The following IRAG2 variants were observed in gnomAD, a reference collection of about 807,000 sequenced individuals.
IRAG2 encodes the protein inositol 1,4,5-triphosphate receptor associated 2.
IRAG2 carries 45 observed loss-of-function variants against 69.9 expected under a neutral mutation model. The observed-to-expected ratio is 0.64, with a 90% confidence interval of 0.51 to 0.83. The LOEUF is 0.83. IRAG2 is among the 40% of genes least tolerant of loss of function. IRAG2 has a pLI of 0.00. For synonymous variants in IRAG2, 193 were observed against 202.4 expected, an observed-to-expected ratio of 0.95 and a Z score of 0.40; for missense variants, 520 against 587.0, an observed-to-expected ratio of 0.89 and a Z score of 1.18.
chr12:25,096,941 A>G lies in IRAG2; in HGVS notation c.638A>G (p.Gln213Arg). The G allele has an allele frequency of 6.2e-7, 1 of 1,613,766 alleles. No homozygotes were observed. Reference sequence around the variant, plus strand: ...ACACCTCTGTGTGAAGATGACAACCAGGCACAGGAAATCATTAAGAAGCTG... The same window carrying G: ...ACACCTCTGTGTGAAGATGACAACCGGGCACAGGAAATCATTAAGAAGCTG... ...SLTPLCEDDN[Q>R]AQEIIKKLEK... Residue 213 changes from glutamine to arginine, a missense_variant, in exon 15 of 22, where the codon CAG becomes CGG. By Grantham distance (43) the Gln-to-Arg change is conservative. Transcript: ENST00000556887.
chr12:25,105,180 C>T (rs1336131735), intron 20 of IRAG2, among the ~76,000 whole-genome samples: 1 of 150,254 alleles, frequency 6.7e-6, no homozygotes, highest in East Asian at 2.0e-4. Context: ...GGGTTCACGC[C>T]ATTCTCCTGG....
At chr12:25,023,802 G>A (rs1163518916) in intron 7 of IRAG2, 2 of 761,532 alleles carry the variant, frequency 2.6e-6, no homozygotes. Context: ...GTCAGCCTTG[G>A]AGGTAAATAT....
chr12:25,085,058 A>G (rs1285197302), intron 10 of IRAG2, among the ~76,000 whole-genome samples: 1 of 152,240 alleles, frequency 6.6e-6, no homozygotes, highest in Non-Finnish European at 1.5e-5. Flanking sequence ...TCTAGGGGTC[A>G]GTGTCTGTGA....
intron 1 of IRAG2, chr12:25,004,989 A>T: frequency 1.1e-6 from 1 of 873,810 alleles, no homozygotes; most frequent in East Asian, 3.4e-5. Flanking sequence ...TACCTGAACT[A>T]AAAAAAAATC....
upstream of IRAG2, chr12:25,052,607 G>A (rs76640161): frequency 2.0e-5 from 8 of 397,070 alleles, no homozygotes; most frequent in East Asian, 7.1e-5. Context: ...GACTTTAACC[G>A]CTGTAGAAAT....
At chr12:25,014,900 T>G (rs532106595) in intron 3 of IRAG2, among the ~76,000 whole-genome samples, 1 of 151,430 alleles carries the variant, frequency 6.6e-6, no homozygotes, top group African/African-American at 2.4e-5. Flanking sequence ...TAGGTAAAAG[T>G]GTATGGATGG....
intron 7 of IRAG2, among the ~76,000 whole-genome samples, chr12:25,021,892 G>A (rs1341738647): frequency 6.6e-6 from 1 of 152,158 alleles, no homozygotes; most frequent in Non-Finnish European, 1.5e-5. Flanking sequence ...TGAATGCCAG[G>A]TCTTTTGTGA....
At chr12:25,075,703 T>C (rs1485915192) in intron 6 of IRAG2, 1 of 152,186 alleles carries the variant, frequency 6.6e-6, no homozygotes, top group African/African-American at 2.4e-5. Context: ...GTAAATGTTA[T>C]GCAGGTTAAT....
chr12:25,089,092 TG>T (rs1278633151), intron 11 of IRAG2, among the ~76,000 whole-genome samples: 1 of 152,230 alleles, frequency 6.6e-6, no homozygotes, highest in African/African-American at 2.4e-5. Flanking sequence ...ACATAGTCCT[TG>T]GTAAAGTTGT....
At chr12:25,035,398 C>T (rs981669796) in intron 13 of IRAG2, 3 of 302,084 alleles carry the variant, frequency 9.9e-6, no homozygotes, top group African/African-American at 2.2e-5. Context: ...GAGCCATAAC[C>T]GTTTATATCA....
In IRAG2 at chr12:25,106,958, A is replaced by G; in HGVS notation, c.1164A>G (p.Ser388=). Residue 388 remains serine, a synonymous_variant, in exon 21 of 22, where the codon TCA becomes TCG. Transcript: ENST00000556887. ...EKCELKTKDD[S]EPSGEETVER... ...TTATTTACAGAACTAAAGATGACTCAGAGCCATCTGGAGAAGAAACAGTAG... is the reference window on the plus strand; with the variant it reads ...TTATTTACAGAACTAAAGATGACTCGGAGCCATCTGGAGAAGAAACAGTAG... 6.3e-7 allele frequency: 1 copy of G among 1,582,960 alleles called. No homozygotes were observed. The highest frequency in any genetic ancestry group is 8.6e-7 in the Non-Finnish European group (1 of 1,156,300).
chr12:25,000,466 TA>T (rs1944383681), upstream of IRAG2, among the ~76,000 whole-genome samples: 2 of 151,914 alleles, frequency 1.3e-5, no homozygotes, highest in African/African-American at 4.8e-5. Context: ...GTATTTTAAT[TA>T]AAAGTATACA....
intron 2 of IRAG2, chr12:25,006,450 T>C (rs1182401124): frequency 2.0e-5 from 3 of 152,076 alleles, no homozygotes; most frequent in Non-Finnish European, 4.4e-5. Context: ...CTGTTCACAG[T>C]AGAAAAGACA....
chr12:25,032,030 G>A (rs879479834), intron 10 of IRAG2: 9 of 395,694 alleles, frequency 2.3e-5, no homozygotes, highest in Admixed American at 4.4e-5. Context: ...TGGTAGAATC[G>A]CATGACGATT....
At chr12:25,018,195 T>TC (rs1327259090) in intron 6 of IRAG2, among the ~76,000 whole-genome samples, 2 of 121,582 alleles carry the variant, frequency 1.6e-5, no homozygotes, top group African/African-American at 7.1e-5. Context: ...TCTTTCTTCT[T>TC]TTTTTTTTTT....
chr12:25,087,831 A>G (rs956927531), intron 10 of IRAG2, among the ~76,000 whole-genome samples: 1 of 152,158 alleles, frequency 6.6e-6, no homozygotes, highest in Non-Finnish European at 1.5e-5. Context: ...GAACTGTGCA[A>G]GCGAGCCATC....
At chr12:25,013,388 G>A (rs955431970) in intron 3 of IRAG2, among the ~76,000 whole-genome samples, 6 of 152,150 alleles carry the variant, frequency 3.9e-5, no homozygotes, top group African/African-American at 1.4e-4. Flanking sequence ...TGAAGCAGGA[G>A]GATTGCTTGA....
chr12:25,103,946 A>T, intron 18 of IRAG2, 47 bp downstream of exon 18: 2 of 1,598,410 alleles, frequency 1.3e-6, no homozygotes, highest in South Asian at 1.1e-5. Context: ...ATTCATTTTC[A>T]TATGACAGAA....
chr12:25,021,091 C>CTTTTTTTTTTTTTTTTTTTTTTTT (rs71063389), intron 7 of IRAG2: 3 of 266,010 alleles, frequency 1.1e-5, no homozygotes, highest in Non-Finnish European at 2.0e-5. Flanking sequence ...TCTTTCTTTT[C>CTTTTTTTTTTTTTTTTTTTTTTTT]TTTTTTTTTT....
Sources: gnomAD v4.1 joint callset for allele counts (sites outside exome capture counted in the v4.1 genomes callset) on GRCh38, gnomAD v4.1.1 for gene constraint, MANE v1.5 for transcripts, NCBI Gene and HGNC (gene_info 2026-07-23, HGNC 2026-07-21) for gene names.